HNF4G: variants seen among roughly 807,000 people sequenced by gnomAD.
The protein encoded by HNF4G is hepatocyte nuclear factor 4 gamma.
HNF4G carries 21 observed loss-of-function variants against 50.9 expected under a neutral mutation model. That is an observed-to-expected ratio of 0.41 (90% confidence interval 0.29 to 0.59). HNF4G has a LOEUF of 0.59. HNF4G is among the 20% of genes least tolerant of loss of function. The probability of loss-of-function intolerance (pLI) is 0.26; values close to 1 mark genes in which losing one functional copy is unlikely to be tolerated. For synonymous variants in HNF4G, 198 were observed against 185.6 expected, an observed-to-expected ratio of 1.07 and a Z score of -0.54; for missense variants, 527 against 559.4, an observed-to-expected ratio of 0.94 and a Z score of 0.58.
At chr8:75,431,505 A>T (rs1335775084) in intron 1 of HNF4G, among the ~76,000 whole-genome samples, 1 of 152,354 alleles carries the variant, frequency 6.6e-6, no homozygotes, top group East Asian at 1.9e-4. Flanking sequence ...GAATCTAAAC[A>T]TATCAGTGAT....
intron 1 of HNF4G, among the ~76,000 whole-genome samples, chr8:75,479,484 A>G (rs1812320906): frequency 6.6e-6 from 1 of 152,126 alleles, no homozygotes. Flanking sequence ...AGAGCCATAC[A>G]CTTATTCAGG....
At chr8:75,470,151 C>T (rs1812081066) in intron 1 of HNF4G, among the ~76,000 whole-genome samples, 1 of 152,196 alleles carries the variant, frequency 6.6e-6, no homozygotes. Flanking sequence ...TGCTCTTAAG[C>T]CTTTCAGGAT....
chr8:75,427,197 C>T (rs1810911459), intron 1 of HNF4G, among the ~76,000 whole-genome samples: 2 of 152,100 alleles, frequency 1.3e-5, no homozygotes, highest in Non-Finnish European at 2.9e-5. Flanking sequence ...ATGCATGTTA[C>T]CTTGTGAGTA....
chr8:75,566,260 A>C lies in HNF4G; in HGVS notation c.*2164A>C, dbSNP rs1423830537. ...TAGCTCTCTCGAGTCTCTTTAATAA[A>C]GATACTAATTCTCATGACTGAATCA... On this transcript the variant is annotated 3_prime_UTR_variant, in exon 10 of 10. Transcript: ENST00000396423. The C allele has an allele frequency of 6.6e-6, 1 of 152,196 alleles. No homozygotes were observed. The highest frequency in any genetic ancestry group is 2.4e-5 in the African/African-American group (1 of 41,468). The allele number at this position is 152,196 out of a possible 1,614,324, so 9.4% of individuals were successfully genotyped here.
upstream of HNF4G, among the ~76,000 whole-genome samples, chr8:75,537,142 A>C (rs1263704007): frequency 1.3e-5 from 2 of 152,160 alleles, no homozygotes; most frequent in African/African-American, 4.8e-5. Context: ...TTTGTTACCT[A>C]GTGTATGACT....
At chr8:75,449,574 T>C (rs1199236276) in intron 1 of HNF4G, among the ~76,000 whole-genome samples, 5 of 150,524 alleles carry the variant, frequency 3.3e-5, no homozygotes, top group East Asian at 2.0e-4. Flanking sequence ...TGGGGCGATC[T>C]CGGCTCACTG....
intron 2 of HNF4G, among the ~76,000 whole-genome samples, chr8:75,514,354 C>CTTTTTTTTTTCTTTTT (rs1805837081): frequency 8.0e-6 from 1 of 125,034 alleles, no homozygotes; most frequent in African/African-American, 3.1e-5. Flanking sequence ...TTTCTTCTTT[C>CTTTTTTTTTTCTTTTT]TTTTTTTTTT....
chr8:75,491,122 C>A (rs1812618878), intron 2 of HNF4G, among the ~76,000 whole-genome samples: 1 of 151,978 alleles, frequency 6.6e-6, no homozygotes, highest in Non-Finnish European at 1.5e-5. Flanking sequence ...GTAAATTAGC[C>A]CTCATAAACA....
intron 2 of HNF4G, among the ~76,000 whole-genome samples, chr8:75,498,808 A>G (rs1198048862): frequency 6.6e-6 from 1 of 152,116 alleles, no homozygotes; most frequent in East Asian, 1.9e-4. Context: ...TGATCATCTC[A>G]GTAGAAACAG....
chr8:75,447,080 A>G (rs1378781102), intron 1 of HNF4G, among the ~76,000 whole-genome samples: 6 of 133,924 alleles, frequency 4.5e-5, no homozygotes, highest in Non-Finnish European at 9.4e-5. Flanking sequence ...GTACCAAAAC[A>G]GAGATATAGA....
chr8:75,494,349 CAG>C (rs1554574700), intron 2 of HNF4G, among the ~76,000 whole-genome samples: 16 of 143,184 alleles, frequency 1.1e-4, no homozygotes, highest in South Asian at 9.0e-4. Flanking sequence ...CACACACACA[CAG>C]GTTGACAATA....
chr8:75,543,316 C>T (rs2130787852), intron 1 of HNF4G, among the ~76,000 whole-genome samples: 1 of 152,042 alleles, frequency 6.6e-6, no homozygotes, highest in African/African-American at 2.4e-5. Flanking sequence ...GATTATTGGC[C>T]CTGGGAAACT....
chr8:75,555,842 A>G (rs16939097), intron 5 of HNF4G, 140 bp from the exon 6 acceptor site: 71,702 of 419,784 alleles, frequency 0.17, 6,394 homozygotes, highest in East Asian at 0.24. Context: ...AGGCTTAATG[A>G]TGGCATGTAT....
chr8:75,556,051 A>G lies in HNF4G; in HGVS notation c.715A>G (p.Lys239Glu), dbSNP rs968648094. 2 of 1,558,298 alleles carry G rather than the reference A, an allele frequency of 1.3e-6. No homozygotes were observed. The highest frequency in any genetic ancestry group is 1.2e-5 in the South Asian group (1 of 82,784). Reference protein sequence around the residue: ...LGATKRSMMYKDILLLGNNYV... With the variant: ...LGATKRSMMYEDILLLGNNYV... ...AGCTACAAAGAGATCCATGATGTAT[A>G]AAGATATTTTGCTTTTGGGTAAGTT... Residue 239 changes from lysine to glutamate, a missense_variant, in exon 6 of 10, where the codon AAA (lysine) becomes GAA (glutamate). Lys to Glu is a moderately conservative substitution (Grantham distance 56, BLOSUM62 1). Around this residue, in one of 5 missense-constraint regions of HNF4G, gnomAD observed 308 missense variants for 301.5 expected, o/e 1.02. Coordinates refer to ENST00000396423, the MANE Select transcript of HNF4G (RefSeq NM_004133.5).
chr8:75,454,486 A>G (rs1235180552), intron 1 of HNF4G, among the ~76,000 whole-genome samples: 1 of 152,184 alleles, frequency 6.6e-6, no homozygotes, highest in Non-Finnish European at 1.5e-5. Flanking sequence ...AGCACACAGT[A>G]GTCCACTTGT....
At chr8:75,560,250 G>A (rs2941472) in intron 8 of HNF4G, 94 bp from the exon 9 acceptor site, 830,541 of 1,331,268 alleles carry the variant, frequency 0.62, 264,915 homozygotes, top group African/African-American at 0.92. Context: ...CAAAAATAGC[G>A]ATATTTAAGC....
At chr8:75,426,604 C>G (rs1429841167) in intron 1 of HNF4G, among the ~76,000 whole-genome samples, 4 of 152,112 alleles carry the variant, frequency 2.6e-5, no homozygotes, top group Non-Finnish European at 5.9e-5. Context: ...CTGTTTTAAC[C>G]TTAATAATAT....
intron 1 of HNF4G, among the ~76,000 whole-genome samples, chr8:75,446,826 G>A (rs1257192361): frequency 8.8e-6 from 1 of 113,208 alleles, no homozygotes; most frequent in East Asian, 2.8e-4. Flanking sequence ...TGGGTAGGAA[G>A]AATCAATATC....
At chr8:75,510,045 C>A (rs1805705229) in intron 2 of HNF4G, among the ~76,000 whole-genome samples, 1 of 152,054 alleles carries the variant, frequency 6.6e-6, no homozygotes, top group Non-Finnish European at 1.5e-5. Context: ...CAGCTCCATG[C>A]ATGTTTTTGT....
Sources: allele counts gnomAD v4.1 joint callset (sites outside exome capture counted in the v4.1 genomes callset), GRCh38; gene constraint gnomAD v4.1.1; regional missense constraint gnomAD v4.1.1; transcripts MANE v1.5; gene names NCBI Gene and HGNC (gene_info 2026-07-23, HGNC 2026-07-21).